CARD6: variants seen among roughly 807,000 people sequenced by gnomAD.
CARD6 encodes the protein caspase recruitment domain-containing protein 6.
CARD6 carries 27 observed loss-of-function variants against 23.6 expected under a neutral mutation model. The observed-to-expected ratio is 1.14, with a 90% CI of 0.84 to 1.58. The LOEUF (loss-of-function observed/expected upper bound fraction) is 1.58, where lower values mean the gene tolerates loss of function less well. CARD6 is among the 40% of genes most tolerant of loss of function. CARD6 has a pLI of 0.00. For synonymous variants in CARD6, 397 were observed against 431.8 expected (o/e 0.92, Z 1.00); for missense variants, 1,214 against 1,209.9 (o/e 1.00, Z -0.05).
chr5:40,843,659 G>T lies in CARD6; in HGVS notation c.791G>T (p.Gly264Val). 3.8e-6 allele frequency: 6 copies of T among 1,566,536 alleles called. No homozygotes were observed. The highest frequency in any genetic ancestry group is 5.2e-6 in the Non-Finnish European group (6 of 1,164,630). ...EFSGEEPSYE[G>V]SETSLSLEEE... is the part of the protein sequence containing the mutation. ...TCTGGTGAAGAACCAAGTTATGAGG[G>T]ATCAGAAACCAGCCTTTCATTGGAG... Residue 264 changes from glycine to valine, a missense_variant, in exon 2 of 3, where the codon GGA (glycine) becomes GTA (valine). Transcript: ENST00000254691.
chr5:40,850,190 G>A lies in CARD6; in HGVS notation c.842-1984G>A, dbSNP rs539498980. Among the ~76,000 whole-genome samples, 1,010 of 152,010 alleles carry A rather than the reference G, an allele frequency of 6.6e-3. 2 individuals are homozygous for A. The highest frequency in any genetic ancestry group is 0.01 in the Middle Eastern group (3 of 294). ...AGGACTTTGGGAGGCCGAGGCAGGC[G>A]CATCACGAGGTCAGGAGATCGAGAC... On this transcript the variant is annotated intron_variant, in intron 2 of 2. Transcript: ENST00000254691.
rs927375687 is a variant in CARD6, at chr5:40,852,667, G to A, written c.1335G>A (p.Lys445=). 6.2e-7 allele frequency: 1 copy of A among 1,614,194 alleles called. No homozygotes were observed. Among genetic ancestry groups the A allele is most frequent in the Non-Finnish European group, 8.5e-7 (1 of 1,180,026 alleles). ...GGGGGCCTACAGAGGATACAGAAAA[G>A]TTTCTGACTCTCATGAAGATGCCTG... ...FSGGPTEDTE[K]FLTLMKMPVI... The change falls in exon 3 of 3, where the codon AAG becomes AAA. Residue 445 remains lysine, a synonymous_variant. Coordinates refer to ENST00000254691, the MANE Select transcript of CARD6 (RefSeq NM_032587.4).
chr5:40,847,560 A>G (rs1391325080), intron 2 of CARD6, among the ~76,000 whole-genome samples: 1 of 152,090 alleles, frequency 6.6e-6, no homozygotes, highest in Non-Finnish European at 1.5e-5. Context: ...GTTTATTGAA[A>G]GATATTTTTA....
Position 40,854,750 on chromosome 5 carries a change from C to G in CARD6, c.*304C>G, listed in dbSNP as rs1275856427. The stretch of plus-strand genomic sequence containing the variant: ...GGATTACAGGCATGCACCACCACAC[C>G]CAGCTAATTTTGTATTTTTAGTAGA... On this transcript the variant is annotated 3_prime_UTR_variant, in exon 3 of 3. Transcript: ENST00000254691. 1.1e-5 allele frequency: 3 copies of G among 268,296 alleles called. No homozygotes were observed. In the Admixed American group the frequency reaches 1.4e-4, roughly 13 times the overall value. 16.6% of individuals were successfully genotyped at this position (268,296 alleles called of 1,614,324 possible).
chr5:40,843,219 T>G lies in CARD6; in HGVS notation c.351T>G (p.Ala117=). The part of the protein sequence containing the change: ...SMGASSNSED[A]FSPGIKQPEA... ...GGGCAAGCAGTAATTCAGAAGATGC[T>G]TTTTCTCCTGGAATAAAACAGCCTG... The change falls in exon 2 of 3, where the codon GCT becomes GCG. Residue 117 remains alanine (A), a synonymous_variant. Coordinates refer to ENST00000254691, the MANE Select transcript of CARD6 (RefSeq NM_032587.4). The G allele has an allele frequency of 6.2e-7, 1 of 1,613,650 alleles. No individual in the cohort carries two copies. The highest frequency in any genetic ancestry group is 8.5e-7 in the Non-Finnish European group (1 of 1,179,776).
At position 40,854,335 on chromosome 5, in the gene CARD6, G is replaced by C. The variant is rs1561217792; in HGVS notation, c.3003G>C (p.Gln1001His). The C allele has an allele frequency of 6.2e-7, 1 of 1,614,092 alleles. No individual in the cohort carries two copies. ...QPKPSQPWPP[Q>H]SKPSQPRPPQ... The stretch of plus-strand genomic sequence containing the variant: ...AGCCAAGCCAGCCCTGGCCTCCCCA[G>C]TCTAAGCCTTCTCAGCCCAGACCCC... The change falls in exon 3 of 3, where the codon CAG becomes CAC. Residue 1001 changes from glutamine (Q) to histidine (H), a missense_variant. Gln to His is a conservative substitution (Grantham distance 24, BLOSUM62 0). Coordinates refer to ENST00000254691, the MANE Select transcript of CARD6 (RefSeq NM_032587.4).
At chr5:40,852,089 G>T in intron 2 of CARD6, 85 bp from the exon 3 acceptor site, 1 of 797,626 alleles carries the variant, frequency 1.3e-6, no homozygotes, top group Non-Finnish European at 2.0e-6. Context: ...CCTAGGTGAT[G>T]GAGTGAGACT....
chr5:40,844,244 A>C (rs566236999), intron 2 of CARD6, among the ~76,000 whole-genome samples: 3 of 152,024 alleles, frequency 2.0e-5, no homozygotes, highest in African/African-American at 4.8e-5. Flanking sequence ...TTCTTTATTT[A>C]AAAAAAATTT....
intron 2 of CARD6, among the ~76,000 whole-genome samples, chr5:40,848,820 T>A (rs1028735884): frequency 6.6e-6 from 1 of 152,184 alleles, no homozygotes; most frequent in Non-Finnish European, 1.5e-5. Flanking sequence ...GTTATTTTTA[T>A]GAATTTTTAA....
intron 2 of CARD6, among the ~76,000 whole-genome samples, chr5:40,844,473 T>C (rs1001633499): frequency 6.6e-6 from 1 of 152,158 alleles, no homozygotes; most frequent in Non-Finnish European, 1.5e-5. Flanking sequence ...TCAAGTGATC[T>C]GCCCACCTTG....
At position 40,854,560 on chromosome 5, in the gene CARD6, C is replaced by A; in HGVS notation, c.*114C>A. Reference sequence around the variant, plus strand: ...AGACTACTGTCATTAGCATGTAAAACAAAGAAAGATATACATGACTGAATT... The same window carrying A: ...AGACTACTGTCATTAGCATGTAAAAAAAAGAAAGATATACATGACTGAATT... On this transcript the variant is annotated 3_prime_UTR_variant, in exon 3 of 3. Transcript: ENST00000254691. 1 of 838,402 alleles carries A rather than the reference C, an allele frequency of 1.2e-6. No individual in the cohort carries two copies. Among genetic ancestry groups the A allele is most frequent in the Non-Finnish European group, 1.9e-6 (1 of 525,620 alleles). The allele number at this position is 838,402 out of a possible 1,614,324, so 51.9% of individuals were successfully genotyped here.
At position 40,841,459 on chromosome 5, in the gene CARD6, C is replaced by A; in HGVS notation, c.77C>A (p.Pro26His). Residue 26 changes from proline (P) to histidine (H), a missense_variant, in exon 1 of 3, where the codon CCT (proline) becomes CAT (histidine). Transcript: ENST00000254691. ...KKLLEILQHD[P>H]DSILDTLTSR... ...TTGCTTGAAATCCTTCAACATGATC[C>A]TGATTCTATCTTAGACACGTTAACT... 6.2e-7 allele frequency: 1 copy of A among 1,613,446 alleles called. No individual in the cohort carries two copies. The highest frequency in any genetic ancestry group is 8.5e-7 in the Non-Finnish European group (1 of 1,179,724).
rs200380836 is a variant in CARD6, at chr5:40,853,881, G to T, written c.2549G>T (p.Gly850Val). ...ERSRAVASKI[G>V]HSYSLDSQPA... The stretch of plus-strand genomic sequence containing the variant: ...TCTAGGGCAGTAGCCTCCAAGATAG[G>T]TCACTCCTATTCCCTGGATTCACAG... The change falls in exon 3 of 3, where the codon GGT becomes GTT. Residue 850 changes from glycine (G) to valine (V), a missense_variant. Gly to Val is a moderately radical substitution (Grantham distance 109). Coordinates refer to ENST00000254691, the MANE Select transcript of CARD6 (RefSeq NM_032587.4). 6.2e-7 allele frequency: 1 copy of T among 1,614,030 alleles called. No individual in the cohort carries two copies. Among genetic ancestry groups the T allele is most frequent in the Non-Finnish European group, 8.5e-7 (1 of 1,180,048 alleles).
In CARD6 at chr5:40,852,200, C is replaced by T; in HGVS notation, c.868C>T (p.Leu290=). ...AAGAAAAAAGGTGTTTAAAGATGTC[C>T]TGTTATGTTTGAACATGGATAGAAG... ...EERKKVFKDV[L]LCLNMDRSRK... is the part of the protein sequence containing the mutation. Residue 290 remains leucine, a synonymous_variant, in exon 3 of 3, where the codon CTG becomes TTG. Coordinates refer to ENST00000254691, the MANE Select transcript of CARD6 (RefSeq NM_032587.4). 6.2e-7 allele frequency: 1 copy of T among 1,611,888 alleles called. No individual in the cohort carries two copies. The highest frequency in any genetic ancestry group is 8.5e-7 in the Non-Finnish European group (1 of 1,178,450).
intron 2 of CARD6, 90 bp from the exon 3 acceptor site, chr5:40,852,084 G>T: frequency 1.3e-6 from 1 of 765,808 alleles, no homozygotes; most frequent in Admixed American, 2.7e-5. Context: ...TCCAGCCTAG[G>T]TGATGGAGTG....
At chr5:40,845,133 G>T (rs867873581) in intron 2 of CARD6, among the ~76,000 whole-genome samples, 21 of 152,196 alleles carry the variant, frequency 1.4e-4, no homozygotes, top group Middle Eastern at 3.4e-3. Context: ...CTCCCAAAAT[G>T]CTGGGATTAA....
At position 40,854,278 on chromosome 5, in the gene CARD6, T is replaced by C. The variant is rs747530230; in HGVS notation, c.2946T>C (p.Thr982=). Residue 982 remains threonine, a synonymous_variant, in exon 3 of 3, where the codon ACT becomes ACC. Transcript: ENST00000254691. ...TKSCQSQPSQ[T]KPSPCKSTQP... ...CCTGTCAGTCCCAGCCCTCCCAAAC[T>C]AAACCTTCTCCATGCAAATCTACTC... is the stretch of plus-strand genomic sequence containing the variant. The C allele has an allele frequency of 1.2e-5, 20 of 1,614,004 alleles. No individual in the cohort carries two copies. The highest frequency in any genetic ancestry group is 1.7e-5 in the Non-Finnish European group (20 of 1,179,996).
chr5:40,845,159 G>T (rs1409559369), intron 2 of CARD6, among the ~76,000 whole-genome samples: 6 of 152,126 alleles, frequency 3.9e-5, no homozygotes, highest in Non-Finnish European at 7.4e-5. Context: ...GAGCCACTGT[G>T]CCTGGACAAG....
At position 40,853,244 on chromosome 5, in the gene CARD6, C is replaced by T. The variant is rs267600630; in HGVS notation, c.1912C>T (p.Leu638Phe). 1 of 1,614,148 alleles carries T rather than the reference C, an allele frequency of 6.2e-7. No individual in the cohort carries two copies. Among genetic ancestry groups the T allele is most frequent in the Middle Eastern group, 1.6e-4 (1 of 6,062 alleles). Residue 638 changes from leucine to phenylalanine, a missense_variant, in exon 3 of 3, where the codon CTC becomes TTC. Coordinates refer to ENST00000254691, the MANE Select transcript of CARD6 (RefSeq NM_032587.4). ...CCAGGAAGTGATGTTCTCTTCTTGC[C>T]TCAGATGTGTGTCTGTGGAGGATAT... ...ALQEVMFSSC[L>F]RCVSVEDMAA...
Sources: gnomAD v4.1 joint callset for allele counts (sites outside exome capture counted in the v4.1 genomes callset) on GRCh38, gnomAD v4.1.1 for gene constraint, MANE v1.5 for transcripts, NCBI Gene and HGNC (gene_info 2026-07-23, HGNC 2026-07-21) for gene names.